The following CENPU variants were observed in gnomAD, a reference collection of about 807,000 sequenced individuals.
The protein encoded by CENPU is KSHV latent nuclear antigen interacting protein 1.
A neutral mutation model predicts 56.7 loss-of-function variants in CENPU; 46 were observed. That is an observed-to-expected ratio of 0.81 (90% CI 0.64 to 1.04). The LOEUF (loss-of-function observed/expected upper bound fraction) is 1.04, where lower values mean the gene tolerates loss of function less well. Ranked by LOEUF, CENPU falls within the 50% of genes least tolerant of loss-of-function variation. CENPU has a pLI of 0.00. For missense variants in CENPU, 510 were observed against 490.1 expected, an observed-to-expected ratio of 1.04 and a Z score of -0.38; for synonymous variants, 166 against 163.0, an observed-to-expected ratio of 1.02 and a Z score of -0.14.
intron 4 of CENPU, 125 bp from the exon 5 acceptor site, chr4:184,717,321 T>C (rs1579781773): frequency 7.1e-6 from 5 of 701,468 alleles, no homozygotes; most frequent in South Asian, 5.8e-5. Flanking sequence ...ATTTGTCACA[T>C]ACAAGTCTGC....
intron 2 of CENPU, 75 bp downstream of exon 2, chr4:184,730,845 A>C: frequency 8.5e-7 from 1 of 1,181,938 alleles, no homozygotes; most frequent in South Asian, 1.5e-5. Context: ...TGAAGTCTAC[A>C]AAACTGAGGT....
At chr4:184,733,979 C>A in intron 1 of CENPU, 37 bp downstream of exon 1, 5 of 1,611,500 alleles carry the variant, frequency 3.1e-6, no homozygotes, top group Non-Finnish European at 4.2e-6. Context: ...TCAAGCTGGT[C>A]TCCGGCCCCG....
chr4:184,715,706 A>G (rs1191923649), intron 6 of CENPU, among the ~76,000 whole-genome samples: 2 of 152,224 alleles, frequency 1.3e-5, no homozygotes, highest in Non-Finnish European at 2.9e-5. Flanking sequence ...CAAAGCACTT[A>G]TAATTTTTTA....
intron 6 of CENPU, among the ~76,000 whole-genome samples, 161 bp from the exon 7 acceptor site, chr4:184,713,174 T>A (rs1157559284): frequency 6.6e-6 from 1 of 152,200 alleles, no homozygotes; most frequent in African/African-American, 2.4e-5. Context: ...GCAGATCACT[T>A]GAGGTCAGGA....
chr4:184,731,368 T>C (rs1430553763), intron 1 of CENPU, among the ~76,000 whole-genome samples: 2 of 152,220 alleles, frequency 1.3e-5, no homozygotes, highest in Non-Finnish European at 2.9e-5. Flanking sequence ...GTTACAGATG[T>C]GTGCTTGCCC....
At chr4:184,702,473 C>A in intron 8 of CENPU, 32 bp from the exon 9 acceptor site, 1 of 1,515,652 alleles carries the variant, frequency 6.6e-7, no homozygotes, top group South Asian at 1.2e-5. Flanking sequence ...GTCTAAGTAC[C>A]ATGATGGATT....
At chr4:184,732,845 T>TA (rs1303967407) in intron 1 of CENPU, among the ~76,000 whole-genome samples, 1 of 151,974 alleles carries the variant, frequency 6.6e-6, no homozygotes, top group Non-Finnish European at 1.5e-5. Flanking sequence ...TTACTAAAAA[T>TA]ACAAAAATTA....
intron 3 of CENPU, among the ~76,000 whole-genome samples, chr4:184,725,993 G>C (rs1394164548): frequency 1.3e-5 from 2 of 152,152 alleles, no homozygotes; most frequent in Non-Finnish European, 2.9e-5. Flanking sequence ...CTGCTGTAAG[G>C]GGGCCTGGTA....
intron 10 of CENPU, 37 bp downstream of exon 10, chr4:184,702,052 G>C (rs777364755): frequency 2.4e-5 from 34 of 1,388,032 alleles, no homozygotes; most frequent in Non-Finnish European, 3.4e-5. Context: ...TTAGTATTGT[G>C]TTTGACTCTA....
chr4:184,711,021 A>G (rs896379844), intron 7 of CENPU, among the ~76,000 whole-genome samples: 4 of 151,786 alleles, frequency 2.6e-5, no homozygotes, highest in African/African-American at 9.7e-5. Context: ...ATGCCTGGCT[A>G]GTTTTGAAAA....
Position 184,734,058 on chromosome 4 carries a change from G to A in CENPU, c.5C>T (p.Ala2Val), listed in dbSNP as rs1022663932. 4 of 1,561,216 alleles carry A rather than the reference G, an allele frequency of 2.6e-6. No homozygotes were observed. Among genetic ancestry groups the A allele is most frequent in the African/African-American group, 2.7e-5 (2 of 73,712 alleles). Residue 2 changes from alanine (A) to valine (V), a missense_variant, in exon 1 of 13, where the codon GCC becomes GTC. Ala to Val is a moderately conservative substitution (Grantham distance 64). Coordinates refer to ENST00000281453, the MANE Select transcript of CENPU (RefSeq NM_024629.4). M[A>V]PRGRRRPRPH... ...CCGCGGCCGCCGCCGCCCCCGCGGG[G>A]CCATGGTGCCGCTCTCCGCTCTCGA...
intron 11 of CENPU, among the ~76,000 whole-genome samples, chr4:184,699,131 T>C (rs1248513862): frequency 6.6e-6 from 1 of 151,726 alleles, no homozygotes; most frequent in Non-Finnish European, 1.5e-5. Flanking sequence ...ATCCAGAGCA[T>C]CCTGACTAAC....
intron 5 of CENPU, among the ~76,000 whole-genome samples, chr4:184,716,853 T>G (rs961736182): frequency 6.6e-6 from 1 of 152,160 alleles, no homozygotes; most frequent in Non-Finnish European, 1.5e-5. Flanking sequence ...CCTTTTAAAA[T>G]CACAACCTAA....
intron 3 of CENPU, among the ~76,000 whole-genome samples, chr4:184,726,229 G>A (rs1761446639): frequency 6.6e-6 from 1 of 152,112 alleles, no homozygotes; most frequent in African/African-American, 2.4e-5. Flanking sequence ...AACGTCCACA[G>A]ATAACCACTC....
intron 4 of CENPU, among the ~76,000 whole-genome samples, chr4:184,723,841 CAAAAAAAAAAAA>C (rs11299367): frequency 1.2e-4 from 7 of 58,446 alleles, no homozygotes. Context: ...GACTCCATCT[CAAAAAAAAAAAA>C]AAAAAAAAAA....
At chr4:184,712,119 CAA>C (rs10650384) in intron 7 of CENPU, among the ~76,000 whole-genome samples, 10 of 80,676 alleles carry the variant, frequency 1.2e-4, no homozygotes, top group South Asian at 4.6e-4. Context: ...GACTCAGTCT[CAA>C]AAAAAAAAAA....
chr4:184,709,871 T>C (rs940952159), intron 8 of CENPU, among the ~76,000 whole-genome samples: 17 of 150,886 alleles, frequency 1.1e-4, no homozygotes, highest in African/African-American at 4.1e-4. Flanking sequence ...TACAAAAATA[T>C]AAATTTAAAA....
chr4:184,722,922 T>C lies in CENPU; in HGVS notation c.320+2035A>G, dbSNP rs1006946515. On this transcript the variant is annotated intron_variant, in intron 4 of 12. Coordinates refer to ENST00000281453, the MANE Select transcript of CENPU (RefSeq NM_024629.4). The stretch of plus-strand genomic sequence containing the variant: ...GGATAGCATTTTTGACCTATCACAT[T>C]GGCAAAAATCCAAGTTTGATCTCAC... Among the ~76,000 whole-genome samples, 9 of 152,296 alleles carry C rather than the reference T, an allele frequency of 5.9e-5. No individual in the cohort carries two copies. In the East Asian group the frequency reaches 1.5e-3, roughly 26 times the overall value.
chr4:184,715,245 C>T (rs1761049878), intron 6 of CENPU, among the ~76,000 whole-genome samples: 1 of 152,036 alleles, frequency 6.6e-6, no homozygotes, highest in Non-Finnish European at 1.5e-5. Context: ...CAATTAAGCC[C>T]AAATGAATTA....
Sources: allele counts gnomAD v4.1 joint callset (sites outside exome capture counted in the v4.1 genomes callset), GRCh38; gene constraint gnomAD v4.1.1; transcripts MANE v1.5; gene names NCBI Gene and HGNC (gene_info 2026-07-23, HGNC 2026-07-21).